Variants in FGD3 observed in about 807,000 individuals in gnomAD.
FGD3 encodes FYVE, RhoGEF and PH domain-containing protein 3.
A neutral mutation model predicts 71.8 loss-of-function variants in FGD3; 45 were observed. The observed-to-expected ratio is 0.63, with a 90% CI of 0.49 to 0.80. The LOEUF (loss-of-function observed/expected upper bound fraction) is 0.80. Ranked by LOEUF, FGD3 falls within the 30% of genes least tolerant of loss-of-function variation. The pLI is 0.00. For synonymous variants in FGD3, 378 were observed against 392.8 expected (o/e 0.96, Z 0.44); for missense variants, 844 against 951.5 (o/e 0.89, Z 1.49).
rs575211419 is a variant in FGD3 at position 93,035,524 on chromosome 9, G to T, written c.2113G>T (p.Asp705Tyr). The change falls in exon 18 of 18, where the codon GAC becomes TAC. Residue 705 changes from aspartate to tyrosine, a missense_variant. Physicochemically the swap from Asp to Tyr is radical, Grantham distance 160. Transcript: ENST00000375482. ...AACCCTAAGCACTGCTGCCCATGGG[G>T]ACACGGCCCAGGACAGCCCGGGGGC... ...LETLSTAAHG[D>Y]TAQDSPGALQ... The T allele has an allele frequency of 2.4e-5, 39 of 1,612,286 alleles. No homozygotes were observed. The East Asian group carries it at 5.8e-4, about 24-fold the overall frequency.
chr9:93,032,691 A>G, intron 15 of FGD3, 78 bp from the exon 16 acceptor site: 2 of 1,205,778 alleles, frequency 1.7e-6, no homozygotes, highest in Non-Finnish European at 2.4e-6. Flanking sequence ...CCTCCCGCCC[A>G]CTCTACCTCC....
intron 12 of FGD3, 100 bp from the exon 13 acceptor site, chr9:93,020,217 G>T: frequency 2.6e-6 from 3 of 1,136,696 alleles, no homozygotes; most frequent in Admixed American, 2.6e-5. Context: ...TTCTGGGAAC[G>T]CCAAGGCCCG....
chr9:92,961,915 G>A (rs1021535177), intron 1 of FGD3, among the ~76,000 whole-genome samples: 6 of 152,190 alleles, frequency 3.9e-5, no homozygotes, highest in South Asian at 2.1e-4. Context: ...GCAGTGTTAT[G>A]TATGGCCTGG....
chr9:92,983,585 A>C (rs1297731597), intron 3 of FGD3, among the ~76,000 whole-genome samples: 3 of 152,234 alleles, frequency 2.0e-5, no homozygotes, highest in African/African-American at 7.2e-5. Context: ...AAGTTATGTC[A>C]TAATTATAGA....
intron 1 of FGD3, among the ~76,000 whole-genome samples, chr9:92,948,121 C>G (rs1858889600): frequency 6.6e-6 from 1 of 151,842 alleles, no homozygotes; most frequent in South Asian, 2.1e-4. Context: ...CTTCCCATTT[C>G]TTTTCAAATG....
intron 2 of FGD3, among the ~76,000 whole-genome samples, chr9:92,975,892 T>G (rs536398833): frequency 6.6e-6 from 1 of 152,336 alleles, no homozygotes; most frequent in South Asian, 2.1e-4. Flanking sequence ...TTGGTTATGG[T>G]CACTACCTTG....
chr9:93,020,232 C>T (rs1388957280), intron 12 of FGD3, 85 bp from the exon 13 acceptor site: 64 of 1,319,998 alleles, frequency 4.8e-5, no homozygotes, highest in Non-Finnish European at 5.8e-5. Flanking sequence ...GGCCCGTCCT[C>T]GGGACAGAGG....
chr9:93,006,392 G>C (rs1439822979), intron 6 of FGD3, among the ~76,000 whole-genome samples: 1 of 152,182 alleles, frequency 6.6e-6, no homozygotes, highest in Non-Finnish European at 1.5e-5. Context: ...AACTCCCAGA[G>C]ATGAATCAGC....
At chr9:93,001,104 T>C (rs1379502772) in intron 3 of FGD3, among the ~76,000 whole-genome samples, 2 of 152,194 alleles carry the variant, frequency 1.3e-5, no homozygotes, top group African/African-American at 2.4e-5. Context: ...AATTAAAGTG[T>C]ATTTCAGCTC....
At chr9:92,964,299 C>T (rs1186628029) in intron 1 of FGD3, 3 of 152,194 alleles carry the variant, frequency 2.0e-5, no homozygotes, top group East Asian at 1.9e-4. Flanking sequence ...AGTTGTGTTT[C>T]GCTATTGCAC....
At chr9:92,950,478 C>G (rs1858934627) in intron 1 of FGD3, among the ~76,000 whole-genome samples, 1 of 151,904 alleles carries the variant, frequency 6.6e-6, no homozygotes, top group South Asian at 2.1e-4. Flanking sequence ...TTGGATTTGC[C>G]AGACAGAACT....
At chr9:92,971,566 CTTTTTTTTTT>C (rs869043960) in intron 1 of FGD3, among the ~76,000 whole-genome samples, 2 of 39,570 alleles carry the variant, frequency 5.1e-5, no homozygotes, top group Admixed American at 3.8e-4. Flanking sequence ...CTTTTCTTTT[CTTTTTTTTTT>C]TTTTTTTTTT....
chr9:92,972,022 T>G (rs942210676), intron 1 of FGD3, among the ~76,000 whole-genome samples: 1 of 135,998 alleles, frequency 7.4e-6, no homozygotes, highest in Admixed American at 7.9e-5. Context: ...ATCTGCTTCC[T>G]AGCACCATAG....
intron 3 of FGD3, among the ~76,000 whole-genome samples, chr9:92,994,233 T>C (rs1422882421): frequency 1.3e-5 from 2 of 152,268 alleles, no homozygotes; most frequent in African/African-American, 4.8e-5. Context: ...TGAGCATTTT[T>C]TCATGTGTAT....
intron 3 of FGD3, among the ~76,000 whole-genome samples, chr9:92,988,687 C>CAA (rs1378327715): frequency 3.3e-5 from 5 of 152,162 alleles, no homozygotes; most frequent in African/African-American, 9.7e-5. Flanking sequence ...TTGATGTTAC[C>CAA]ATAAACACAT....
intron 3 of FGD3, among the ~76,000 whole-genome samples, chr9:92,990,847 C>G (rs1434646313): frequency 1.3e-5 from 2 of 152,084 alleles, no homozygotes; most frequent in Non-Finnish European, 2.9e-5. Flanking sequence ...ATTTTTTCAT[C>G]TATGTTCATC....
chr9:92,993,070 T>G (rs1288343749), intron 3 of FGD3, among the ~76,000 whole-genome samples: 1 of 152,132 alleles, frequency 6.6e-6, no homozygotes, highest in Non-Finnish European at 1.5e-5. Flanking sequence ...TGTTTGTGCC[T>G]TAGTCTTTTC....
At position 92,969,172 on chromosome 9, in the gene FGD3, T is replaced by G. The variant is rs529788842; in HGVS notation, c.-217-6066T>G. On this transcript the variant is annotated intron_variant, in intron 1 of 17. Transcript: ENST00000375482. This position sits in a 1 kb window ranked among gnomAD's most constrained non-coding sequence, Gnocchi z 4.5. ...TTGTCGTCATCATCCCTCATGATTC[T>G]GGGCCACCCGGGTGCAGCGGGCGGC... 3.3e-5 allele frequency among the ~76,000 whole-genome samples: 5 copies of G among 152,374 alleles called. No homozygotes were observed. Among genetic ancestry groups the G allele is most frequent in the Admixed American group, 6.5e-5 (1 of 15,310 alleles).
intron 15 of FGD3, 33 bp from the exon 16 acceptor site, chr9:93,032,736 G>A (rs1862402857): frequency 1.2e-6 from 2 of 1,603,278 alleles, no homozygotes; most frequent in Non-Finnish European, 8.5e-7. Flanking sequence ...CTGTCCCAGG[G>A]TGCTGGGGTC....
Sources: gnomAD v4.1 joint callset for allele counts (sites outside exome capture counted in the v4.1 genomes callset) on GRCh38, gnomAD v4.1.1 for gene constraint, Gnocchi (gnomAD v3.1) non-coding constraint, MANE v1.5 for transcripts, NCBI Gene and HGNC (gene_info 2026-07-23, HGNC 2026-07-21) for gene names.